RBPMS: variants seen among roughly 807,000 people sequenced by gnomAD.
The protein encoded by RBPMS is RNA binding protein, mRNA processing factor.
RBPMS carries 7 observed loss-of-function variants against 26.8 expected under a neutral mutation model. That is an observed-to-expected ratio of 0.26 (90% confidence interval 0.15 to 0.49). The LOEUF (loss-of-function observed/expected upper bound fraction) is 0.49. Among genes scored for constraint, RBPMS ranks in the 20% least tolerant of loss-of-function variants. RBPMS has a pLI of 0.98. For synonymous variants in RBPMS, 96 were observed against 93.3 expected, an observed-to-expected ratio of 1.03 and a Z score of -0.17; for missense variants, 186 against 250.0, an observed-to-expected ratio of 0.74 and a Z score of 1.73.
At chr8:30,559,058 A>G (rs1039406145) in intron 7 of RBPMS, 102 bp downstream of exon 7, 2 of 869,244 alleles carry the variant, frequency 2.3e-6, no homozygotes, top group Admixed American at 3.7e-5. Context: ...CTGCACCCAC[A>G]CCTTATGCAC....
intron 1 of RBPMS, among the ~76,000 whole-genome samples, chr8:30,388,900 T>C (rs1371183801): frequency 6.6e-6 from 1 of 152,186 alleles, no homozygotes. Flanking sequence ...GGAATATTGA[T>C]CAAAAAGATG....
At chr8:30,503,526 T>C (rs748036090) in intron 4 of RBPMS, among the ~76,000 whole-genome samples, 22 of 151,778 alleles carry the variant, frequency 1.4e-4, no homozygotes, top group Non-Finnish European at 2.4e-4. Context: ...CCCAAAGTGC[T>C]AGGATGACAG....
intron 5 of RBPMS, among the ~76,000 whole-genome samples, chr8:30,530,548 C>T (rs957391005): frequency 2.6e-5 from 4 of 152,084 alleles, no homozygotes; most frequent in African/African-American, 7.2e-5. Flanking sequence ...CTGCACCATC[C>T]GCTTCCTGGG....
chr8:30,441,429 A>C (rs1813063497), intron 1 of RBPMS, among the ~76,000 whole-genome samples: 2 of 152,324 alleles, frequency 1.3e-5, no homozygotes, highest in South Asian at 4.1e-4. Flanking sequence ...CAGAACTATT[A>C]GAAAAAAGTA....
intron 6 of RBPMS, chr8:30,556,124 C>G (rs1025854765): frequency 2.0e-6 from 2 of 985,216 alleles, no homozygotes; most frequent in African/African-American, 3.5e-5. Context: ...TTGGCAAGCA[C>G]ATAGTGTCCT....
At chr8:30,564,284 T>TG (rs1172055933) in intron 7 of RBPMS, 1 of 152,244 alleles carries the variant, frequency 6.6e-6, no homozygotes, top group African/African-American at 2.4e-5. Flanking sequence ...GTAAATGGAC[T>TG]GGAAGTGCAG....
At chr8:30,489,518 C>A (rs1819152470) in intron 4 of RBPMS, among the ~76,000 whole-genome samples, 1 of 152,304 alleles carries the variant, frequency 6.6e-6, no homozygotes, top group African/African-American at 2.4e-5. Flanking sequence ...TGCAGTGGCT[C>A]ACTGCAACCT....
intron 1 of RBPMS, among the ~76,000 whole-genome samples, chr8:30,440,341 TG>T (rs2150704035): frequency 6.6e-6 from 1 of 152,298 alleles, no homozygotes; most frequent in Non-Finnish European, 1.5e-5. Flanking sequence ...AACAGCTCGC[TG>T]TCCCCACATC....
intron 1 of RBPMS, among the ~76,000 whole-genome samples, chr8:30,431,558 A>G (rs1811935660): frequency 6.6e-6 from 1 of 151,700 alleles, no homozygotes; most frequent in Admixed American, 6.6e-5. Flanking sequence ...AGGTTCAAGT[A>G]ATTCTCCTGA....
intron 4 of RBPMS, among the ~76,000 whole-genome samples, chr8:30,497,146 C>A (rs1820047233): frequency 6.6e-6 from 1 of 152,120 alleles, no homozygotes; most frequent in Admixed American, 6.6e-5. Context: ...TTTTTAACTT[C>A]TAAAAAGGCA....
At chr8:30,410,143 T>TAC (rs34489233) in intron 1 of RBPMS, among the ~76,000 whole-genome samples, 24,377 of 131,864 alleles carry the variant, frequency 0.18, 2,353 homozygotes, top group East Asian at 0.27. Context: ...TGACTTAAAA[T>TAC]ACACACACAC....
At chr8:30,526,088 T>C (rs1350435678) in intron 5 of RBPMS, among the ~76,000 whole-genome samples, 1 of 152,212 alleles carries the variant, frequency 6.6e-6, no homozygotes, top group Non-Finnish European at 1.5e-5. Context: ...ACTTCCTACT[T>C]TGTAGAGTCC....
At chr8:30,467,458 T>G (rs1223990148) in intron 1 of RBPMS, among the ~76,000 whole-genome samples, 1 of 152,210 alleles carries the variant, frequency 6.6e-6, no homozygotes, top group Non-Finnish European at 1.5e-5. Flanking sequence ...ACTTCTCAGT[T>G]TCTGAAACCC....
chr8:30,462,422 G>T (rs4733491), intron 1 of RBPMS, among the ~76,000 whole-genome samples: 147,230 of 151,368 alleles, frequency 0.97, 71,661 homozygotes, highest in Middle Eastern at 1. Flanking sequence ...ATACTTTTTT[G>T]TTTGTTTGTT....
At chr8:30,510,241 A>G (rs753739354) in intron 5 of RBPMS, among the ~76,000 whole-genome samples, 2 of 152,198 alleles carry the variant, frequency 1.3e-5, no homozygotes, top group Non-Finnish European at 2.9e-5. Flanking sequence ...TGTCTCGAGT[A>G]AACCCAAACC....
intron 6 of RBPMS, among the ~76,000 whole-genome samples, chr8:30,551,265 T>A (rs1217792393): frequency 6.6e-6 from 1 of 152,218 alleles, no homozygotes; most frequent in African/African-American, 2.4e-5. Context: ...GGGAGACGTG[T>A]TCTTTTGTCC....
intron 5 of RBPMS, among the ~76,000 whole-genome samples, chr8:30,532,394 T>C (rs192035928): frequency 6.6e-6 from 1 of 152,350 alleles, no homozygotes; most frequent in East Asian, 1.9e-4. Context: ...TTTTTTCCTA[T>C]ATTAATGTCA....
intron 5 of RBPMS, among the ~76,000 whole-genome samples, chr8:30,533,969 C>A (rs1000783624): frequency 2.2e-4 from 33 of 152,124 alleles, no homozygotes; most frequent in African/African-American, 6.5e-4. Context: ...CCCGTCTCTA[C>A]TAAAAATATA....
intron 5 of RBPMS, among the ~76,000 whole-genome samples, chr8:30,531,760 T>G (rs908093349): frequency 6.6e-6 from 1 of 152,240 alleles, no homozygotes; most frequent in African/African-American, 2.4e-5. Context: ...ATGGTTGTTC[T>G]TAAACTTGTG....
Sources: allele counts gnomAD v4.1 joint callset (sites outside exome capture counted in the v4.1 genomes callset), GRCh38; gene constraint gnomAD v4.1.1; transcripts MANE v1.5; gene names NCBI Gene and HGNC (gene_info 2026-07-23, HGNC 2026-07-21).